Variants in OPCML observed in about 807,000 individuals in gnomAD.
The protein encoded by OPCML is opioid binding protein/cell adhesion molecule like.
Under a neutral mutation model 37.8 loss-of-function variants are expected in OPCML, and 13 were observed. The ratio of observed to expected loss-of-function variants is 0.34; its 90% CI spans 0.22 to 0.55. OPCML has a LOEUF of 0.55. Among genes scored for constraint, OPCML ranks in the 20% least tolerant of loss-of-function variants. OPCML has a pLI of 0.91. For missense variants in OPCML, 341 were observed against 435.6 expected, an observed-to-expected ratio of 0.78 and a Z score of 1.93; for synonymous variants, 176 against 168.8, an observed-to-expected ratio of 1.04 and a Z score of -0.33.
intron 2 of OPCML, among the ~76,000 whole-genome samples, chr11:132,884,347 C>T (rs971912022): frequency 6.6e-6 from 1 of 152,122 alleles, no homozygotes; most frequent in African/African-American, 2.4e-5. Flanking sequence ...TGTTAAATGG[C>T]TCCAATAAGT....
At position 133,485,112 on chromosome 11, in the gene OPCML, G is replaced by A. The variant is rs558782958; in HGVS notation, c.61+47152C>T. On this transcript the variant is annotated intron_variant, in intron 1 of 7. Coordinates refer to ENST00000524381, the MANE Select transcript of OPCML (RefSeq NM_001012393.5). ...AAAAAGAGAAACATCTATTGTCATCGAAAAACAACATAGTTATCTTTTTAA... is the reference window on the plus strand; with the variant it reads ...AAAAAGAGAAACATCTATTGTCATCAAAAAACAACATAGTTATCTTTTTAA... Among the ~76,000 whole-genome samples the A allele has an allele frequency of 6.1e-4, 93 of 152,060 alleles. 1 individual carries two copies. Among genetic ancestry groups the A allele is most frequent in the African/African-American group, 1.5e-3 (64 of 41,494 alleles).
chr11:132,820,102 T>TGAATGAATGAAA (rs1555193924), intron 2 of OPCML, among the ~76,000 whole-genome samples: 1 of 131,388 alleles, frequency 7.6e-6, no homozygotes, highest in African/African-American at 2.8e-5. Flanking sequence ...AATGAATGAA[T>TGAATGAATGAAA]GAAAGAAACC....
At chr11:132,690,217 G>A (rs1337971867) in intron 2 of OPCML, among the ~76,000 whole-genome samples, 1 of 152,172 alleles carries the variant, frequency 6.6e-6, no homozygotes, top group African/African-American at 2.4e-5. Flanking sequence ...TGGGGTTACA[G>A]GAGCCCATCA....
chr11:133,530,642 AG>A (rs1948586583), intron 1 of OPCML, among the ~76,000 whole-genome samples: 2 of 152,166 alleles, frequency 1.3e-5, no homozygotes, highest in Non-Finnish European at 2.9e-5. Flanking sequence ...TGGACCCCCT[AG>A]GATGCTGCTG....
intron 1 of OPCML, among the ~76,000 whole-genome samples, chr11:133,240,942 C>CT (rs1282546117): frequency 1.3e-5 from 2 of 152,250 alleles, no homozygotes; most frequent in African/African-American, 4.8e-5. Context: ...TCTGCCAATT[C>CT]TTTCTTTAAA....
At chr11:132,473,459 T>C (rs1023836212) in intron 4 of OPCML, among the ~76,000 whole-genome samples, 1 of 152,108 alleles carries the variant, frequency 6.6e-6, no homozygotes, top group African/African-American at 2.4e-5. Flanking sequence ...CCCTCCCTAT[T>C]GGTGCAGGGC....
chr11:133,421,398 A>G, intron 1 of OPCML: 1 of 985,442 alleles, frequency 1.0e-6, no homozygotes, highest in African/African-American at 1.7e-5. Flanking sequence ...AGAAGAAGAG[A>G]AATCAGGCAT....
intron 4 of OPCML, among the ~76,000 whole-genome samples, chr11:132,473,610 A>AAGCATGGGAGTTCGAGACC (rs1179365052): frequency 2.0e-5 from 3 of 152,150 alleles, no homozygotes; most frequent in Non-Finnish European, 4.4e-5. Context: ...AAAATCACTT[A>AAGCATGGGAGTTCGAGACC]AGCCTGGGAG....
chr11:133,433,368 C>A (rs1443686901), intron 1 of OPCML, among the ~76,000 whole-genome samples: 1 of 151,202 alleles, frequency 6.6e-6, no homozygotes, highest in Non-Finnish European at 1.5e-5. Flanking sequence ...ATTTTATATT[C>A]TGCTTTTGAA....
intron 2 of OPCML, among the ~76,000 whole-genome samples, chr11:132,790,414 A>G (rs1377868825): frequency 2.0e-5 from 3 of 152,240 alleles, no homozygotes; most frequent in Admixed American, 2.0e-4. Flanking sequence ...GAAATTTTAA[A>G]TACTCTCATT....
At chr11:133,034,986 T>C (rs186048751) in intron 1 of OPCML, among the ~76,000 whole-genome samples, 1 of 152,270 alleles carries the variant, frequency 6.6e-6, no homozygotes, top group African/African-American at 2.4e-5. Flanking sequence ...TCCGTCCTCT[T>C]AGGCATGGTC....
chr11:133,113,353 T>C (rs1949286272), intron 1 of OPCML, among the ~76,000 whole-genome samples: 2 of 152,218 alleles, frequency 1.3e-5, no homozygotes, highest in African/African-American at 4.8e-5. Flanking sequence ...TCACTCAGTC[T>C]TCTATTTACC....
At chr11:133,253,376 C>G (rs1037274252) in intron 1 of OPCML, among the ~76,000 whole-genome samples, 1 of 152,072 alleles carries the variant, frequency 6.6e-6, no homozygotes, top group African/African-American at 2.4e-5. Context: ...GTGGTGCAAC[C>G]TTGGCTCACT....
intron 3 of OPCML, among the ~76,000 whole-genome samples, chr11:132,622,058 C>T (rs562011263): frequency 2.0e-5 from 3 of 152,070 alleles, no homozygotes; most frequent in Admixed American, 6.5e-5. Context: ...AGAGAACAAA[C>T]ATTTAGGCCA....
In OPCML at chr11:133,177,854, A is replaced by G. The variant is rs1937632844; in HGVS notation, c.62-234844T>C. ...GATCACTTACTGCAGACTTTCATTTACTTCATGAGGAAGAAAGAGAGGAAA... is the reference window on the plus strand; with the variant it reads ...GATCACTTACTGCAGACTTTCATTTGCTTCATGAGGAAGAAAGAGAGGAAA... On this transcript the variant is annotated intron_variant, in intron 1 of 7. Transcript: ENST00000524381. This position sits in a 1 kb window ranked among gnomAD's most constrained non-coding sequence, Gnocchi z 5.0. 6.6e-6 allele frequency among the ~76,000 whole-genome samples: 1 copy of G among 151,788 alleles called. No homozygotes were observed. The highest frequency in any genetic ancestry group is 2.4e-5 in the African/African-American group (1 of 41,422).
At chr11:132,885,515 A>G (rs1943375244) in intron 2 of OPCML, among the ~76,000 whole-genome samples, 1 of 152,212 alleles carries the variant, frequency 6.6e-6, no homozygotes, top group Non-Finnish European at 1.5e-5. Flanking sequence ...CACCTACTTC[A>G]CATGACATCA....
intron 1 of OPCML, among the ~76,000 whole-genome samples, chr11:133,064,245 G>A (rs1169654411): frequency 1.3e-5 from 2 of 152,166 alleles, no homozygotes; most frequent in East Asian, 1.9e-4. Context: ...GTTCCCAGAC[G>A]CTGCCGGGTA....
chr11:133,280,062 G>T (rs1245607715), intron 1 of OPCML, among the ~76,000 whole-genome samples: 1 of 152,164 alleles, frequency 6.6e-6, no homozygotes, highest in Non-Finnish European at 1.5e-5. Flanking sequence ...GTTGCATTGT[G>T]TATGAGCATT....
chr11:133,204,430 C>T (rs1228510411), intron 1 of OPCML, among the ~76,000 whole-genome samples: 1 of 152,084 alleles, frequency 6.6e-6, no homozygotes, highest in Admixed American at 6.5e-5. Flanking sequence ...ATCAGGTCTT[C>T]ATAAAGAAGG....
Sources: allele counts gnomAD v4.1 joint callset (sites outside exome capture counted in the v4.1 genomes callset), GRCh38; gene constraint gnomAD v4.1.1; non-coding constraint Gnocchi (gnomAD v3.1); transcripts MANE v1.5; gene names NCBI Gene and HGNC (gene_info 2026-07-23, HGNC 2026-07-21).